UNC13C: variants seen among roughly 807,000 people sequenced by gnomAD.
The protein encoded by UNC13C is unc-13 homolog C, also known as protein unc-13 homolog C.
In UNC13C, 174 loss-of-function variants were observed where a neutral mutation model predicts 245.4. The observed-to-expected ratio is 0.71, with a 90% CI of 0.63 to 0.80. The LOEUF is 0.80. Ranked by LOEUF, UNC13C falls within the 30% of genes least tolerant of loss-of-function variation. The pLI is 0.00. For missense variants in UNC13C, 2,829 were observed against 2,602.9 expected (o/e 1.09, Z -1.89); for synonymous variants, 992 against 895.1 (o/e 1.11, Z -1.93).
the UNC13C span, among the ~76,000 whole-genome samples, chr15:53,949,099 A>T: frequency 3.3e-5 from 5 of 152,206 alleles, no homozygotes; most frequent in Non-Finnish European, 5.9e-5. Context: ...ATAGATAAGC[A>T]ATTATAATAT....
intron 4 of UNC13C, among the ~76,000 whole-genome samples, chr15:54,162,032 T>A (rs2032998253): frequency 6.6e-6 from 1 of 152,214 alleles, no homozygotes; most frequent in South Asian, 2.1e-4. Flanking sequence ...TTTATGTTGG[T>A]CATCCAGCAT....
chr15:54,344,874 G>T (rs1201557192), intron 17 of UNC13C, among the ~76,000 whole-genome samples: 1 of 152,032 alleles, frequency 6.6e-6, no homozygotes, highest in Non-Finnish European at 1.5e-5. Context: ...TGTTCACTTG[G>T]ATTACTACAT....
the UNC13C span, among the ~76,000 whole-genome samples, chr15:53,875,929 A>G: frequency 2.8e-4 from 43 of 152,268 alleles, no homozygotes; most frequent in South Asian, 1.7e-3. Flanking sequence ...TTGGAACAAA[A>G]GGTGGTAAGG....
At chr15:54,241,927 T>C (rs991625471) in intron 7 of UNC13C, among the ~76,000 whole-genome samples, 5 of 152,162 alleles carry the variant, frequency 3.3e-5, no homozygotes, top group African/African-American at 1.2e-4. Context: ...AGTATTGCTG[T>C]TGGTTCTGTT....
intron 4 of UNC13C, among the ~76,000 whole-genome samples, chr15:54,191,442 G>T (rs2034179603): frequency 6.6e-6 from 1 of 152,052 alleles, no homozygotes; most frequent in Non-Finnish European, 1.5e-5. Context: ...TCTTTATCCA[G>T]TCTATCATTG....
At chr15:54,234,702 C>G (rs2035642807) in intron 4 of UNC13C, among the ~76,000 whole-genome samples, 1 of 152,108 alleles carries the variant, frequency 6.6e-6, no homozygotes. Flanking sequence ...CTTCTGTTTC[C>G]TCCTGGAGGT....
the UNC13C span, among the ~76,000 whole-genome samples, chr15:53,856,982 T>C: frequency 6.6e-6 from 1 of 152,140 alleles, no homozygotes; most frequent in East Asian, 1.9e-4. Context: ...TGCATATATA[T>C]TTAGAATAGT....
At chr15:53,957,457 G>T in the UNC13C span, among the ~76,000 whole-genome samples, 1 of 152,128 alleles carries the variant, frequency 6.6e-6, no homozygotes, top group African/African-American at 2.4e-5. Flanking sequence ...TCTCAAAAGT[G>T]TTTTTAAAGG....
intron 4 of UNC13C, among the ~76,000 whole-genome samples, chr15:54,223,910 G>T (rs1293962394): frequency 6.6e-6 from 1 of 151,840 alleles, no homozygotes; most frequent in Non-Finnish European, 1.5e-5. Flanking sequence ...TGTAAATGAG[G>T]TTACTTTCTT....
chr15:54,086,945 A>G (rs545500428), intron 2 of UNC13C, among the ~76,000 whole-genome samples: 56 of 151,990 alleles, frequency 3.7e-4, no homozygotes, highest in Admixed American at 6.5e-4. Flanking sequence ...CATCTTGGTC[A>G]GGCTGGTCTT....
intron 1 of UNC13C, among the ~76,000 whole-genome samples, chr15:54,001,807 A>C (rs925549670): frequency 9.2e-5 from 14 of 152,182 alleles, no homozygotes; most frequent in Non-Finnish European, 1.2e-4. Context: ...CCATGATCTA[A>C]AGTAGCCAAT....
intron 2 of UNC13C, 56 bp downstream of exon 2, chr15:54,015,942 A>G: frequency 1.5e-6 from 2 of 1,376,288 alleles, no homozygotes; most frequent in Non-Finnish European, 1.9e-6. Flanking sequence ...ATTGGGTAGC[A>G]CTTCTTTAGA....
intron 4 of UNC13C, among the ~76,000 whole-genome samples, chr15:54,163,607 C>A (rs1199436709): frequency 1.3e-5 from 2 of 152,120 alleles, no homozygotes; most frequent in African/African-American, 4.8e-5. Flanking sequence ...ATAACTAGAG[C>A]CTGTTGTGCA....
At chr15:54,577,448 C>T (rs1168340939) in intron 30 of UNC13C, among the ~76,000 whole-genome samples, 1 of 152,132 alleles carries the variant, frequency 6.6e-6, no homozygotes, top group Non-Finnish European at 1.5e-5. Flanking sequence ...TACTTTCCCC[C>T]ACTCCGCAGG....
chr15:54,145,375 C>T (rs1045185265), intron 4 of UNC13C, among the ~76,000 whole-genome samples: 2 of 151,826 alleles, frequency 1.3e-5, no homozygotes, highest in Admixed American at 6.6e-5. Flanking sequence ...ATATATGTAT[C>T]GTTTTTATTT....
chr15:54,538,172 A>G (rs1896080550), intron 26 of UNC13C, among the ~76,000 whole-genome samples: 1 of 150,146 alleles, frequency 6.7e-6, no homozygotes, highest in African/African-American at 2.4e-5. Flanking sequence ...AAACCCATTA[A>G]AAATGAGCAA....
intron 28 of UNC13C, 85 bp from the exon 29 acceptor site, chr15:54,555,347 T>C (rs1897042766): frequency 8.6e-6 from 9 of 1,042,428 alleles, no homozygotes; most frequent in Admixed American, 2.1e-5. Context: ...GTTTGGCATA[T>C]GGGGATAATA....
chr15:53,847,515 C>T, the UNC13C span, among the ~76,000 whole-genome samples: 1 of 142,360 alleles, frequency 7.0e-6, no homozygotes, highest in Admixed American at 7.3e-5. Context: ...CACCACCATG[C>T]CTGGCTATTT....
At chr15:54,313,899 A>T (rs2037939661) in intron 13 of UNC13C, among the ~76,000 whole-genome samples, 1 of 151,776 alleles carries the variant, frequency 6.6e-6, no homozygotes, top group Non-Finnish European at 1.5e-5. Flanking sequence ...CAATGGGTGA[A>T]TGTATTGAGA....
Sources: allele counts gnomAD v4.1 joint callset (sites outside exome capture counted in the v4.1 genomes callset), GRCh38; gene constraint gnomAD v4.1.1; transcripts MANE v1.5; gene names NCBI Gene and HGNC (gene_info 2026-07-23, HGNC 2026-07-21).